Variants in ATG7 observed in about 807,000 individuals in gnomAD.
ATG7 encodes ubiquitin-like modifier-activating enzyme ATG7.
Under a neutral mutation model 82.4 loss-of-function variants are expected in ATG7, and 70 were observed. The ratio of observed to expected loss-of-function variants is 0.85; its 90% CI spans 0.70 to 1.04. The LOEUF (loss-of-function observed/expected upper bound fraction) is 1.04. Among genes scored for constraint, ATG7 ranks in the 50% least tolerant of loss-of-function variants. ATG7 has a pLI of 0.00. For synonymous variants in ATG7, 287 were observed against 313.0 expected (o/e 0.92, Z 0.88); for missense variants, 792 against 864.3 (o/e 0.92, Z 1.05).
At chr3:11,535,709 G>A (rs749069842) in intron 20 of ATG7, among the ~76,000 whole-genome samples, 12 of 152,164 alleles carry the variant, frequency 7.9e-5, no homozygotes, top group Non-Finnish European at 1.2e-4. Flanking sequence ...GTAAAGAAGC[G>A]GGGGCGTGCG....
At chr3:11,441,272 C>G (rs2083925682) in intron 20 of ATG7, among the ~76,000 whole-genome samples, 1 of 152,024 alleles carries the variant, frequency 6.6e-6, no homozygotes, top group Non-Finnish European at 1.5e-5. Context: ...GAGATGGAGT[C>G]TCACTCTGTT....
intron 18 of ATG7, among the ~76,000 whole-genome samples, chr3:11,371,950 A>G (rs2077024553): frequency 6.6e-6 from 1 of 151,362 alleles, no homozygotes; most frequent in African/African-American, 2.4e-5. Flanking sequence ...CACGCTGTCC[A>G]GCTGGGAACA....
intron 20 of ATG7, among the ~76,000 whole-genome samples, chr3:11,473,385 C>T (rs753464971): frequency 8.5e-5 from 13 of 152,154 alleles, no homozygotes; most frequent in Admixed American, 2.0e-4. Flanking sequence ...ATTTATTTTT[C>T]ATAGCATCCC....
intron 7 of ATG7, among the ~76,000 whole-genome samples, chr3:11,310,815 G>T (rs1228340760): frequency 6.6e-6 from 1 of 151,964 alleles, no homozygotes; most frequent in African/African-American, 2.4e-5. Flanking sequence ...TGTATTTTTA[G>T]TAGAGAGGGG....
At chr3:11,489,154 T>G (rs1415943681) in intron 20 of ATG7, among the ~76,000 whole-genome samples, 2 of 152,216 alleles carry the variant, frequency 1.3e-5, no homozygotes, top group African/African-American at 4.8e-5. Flanking sequence ...GTCGAGGAAT[T>G]TATCCATTTC....
intron 20 of ATG7, among the ~76,000 whole-genome samples, chr3:11,493,123 T>C (rs981305790): frequency 2.0e-5 from 3 of 152,206 alleles, no homozygotes; most frequent in Non-Finnish European, 1.5e-5. Context: ...ATTGAAGTTA[T>C]GGTGAATGCA....
chr3:11,456,905 C>T (rs1358090077), intron 20 of ATG7, among the ~76,000 whole-genome samples: 1 of 152,192 alleles, frequency 6.6e-6, no homozygotes, highest in Non-Finnish European at 1.5e-5. Flanking sequence ...TGGTATACAG[C>T]ACCTCTCAGG....
the ATG7 span, among the ~76,000 whole-genome samples, chr3:11,573,325 A>G: frequency 0.17 from 7,168 of 41,704 alleles, 940 homozygotes; most frequent in Admixed American, 0.23. Flanking sequence ...GGAAGAAAGA[A>G]AGAAAGAAAG....
At chr3:11,560,152 C>A (rs924842087), downstream of ATG7, among the ~76,000 whole-genome samples, 2 of 152,168 alleles carry the variant, frequency 1.3e-5, no homozygotes, top group African/African-American at 2.4e-5. Context: ...CACCGCCCCA[C>A]CACCACCGCT....
At position 11,333,039 on chromosome 3, in the gene ATG7, G is replaced by A. The variant is rs375756427; in HGVS notation, c.835G>A (p.Val279Ile). The change falls in exon 11 of 21, where the codon GTT (valine) becomes ATT (isoleucine). Residue 279 changes from valine to isoleucine, a missense_variant. Coordinates refer to ENST00000693202, the MANE Select transcript of ATG7 (RefSeq NM_001349232.2). ...CCGTACCATGCAGGGGGCGAGAGAC[G>A]TTGCCCACAGCATCATCTTCGAAGT... ...RDRTMQGARD[V>I]AHSIIFEVKL... 78 of 1,571,992 alleles carry A rather than the reference G, an allele frequency of 5.0e-5. No individual in the cohort carries two copies. Among genetic ancestry groups the A allele is most frequent in the East Asian group, 4.8e-4 (20 of 41,610 alleles).
At chr3:11,375,495 GACA>G (rs962549212) in intron 18 of ATG7, among the ~76,000 whole-genome samples, 1 of 152,182 alleles carries the variant, frequency 6.6e-6, no homozygotes, top group Non-Finnish European at 1.5e-5. Context: ...ATCTACAAGA[GACA>G]ACAACAGGTG....
At chr3:11,565,438 A>G in the ATG7 span, among the ~76,000 whole-genome samples, 61 of 152,258 alleles carry the variant, frequency 4.0e-4, no homozygotes, top group East Asian at 0.01. This position sits in a 1 kb window ranked among gnomAD's most constrained non-coding sequence, Gnocchi z 4.1. Context: ...GGCCCTATTC[A>G]AAGCCTCCAC....
intron 18 of ATG7, among the ~76,000 whole-genome samples, chr3:11,374,772 C>T (rs534330738): frequency 2.5e-4 from 38 of 151,564 alleles, no homozygotes; most frequent in South Asian, 1.0e-3. Flanking sequence ...GGCGTGGTGG[C>T]GGGTGCCTGT....
At chr3:11,450,414 C>T (rs1179476859) in intron 20 of ATG7, among the ~76,000 whole-genome samples, 1 of 152,182 alleles carries the variant, frequency 6.6e-6, no homozygotes. Flanking sequence ...TTTGGTAGGT[C>T]ATCATTTTCC....
intron 11 of ATG7, among the ~76,000 whole-genome samples, chr3:11,336,198 TA>T (rs1952455607): frequency 2.8e-5 from 1 of 35,590 alleles, no homozygotes; most frequent in African/African-American, 1.9e-4. Context: ...CACACATGGC[TA>T]TTTTTTTTGT....
chr3:11,532,408 A>T (rs2092710621), intron 20 of ATG7, among the ~76,000 whole-genome samples: 1 of 152,098 alleles, frequency 6.6e-6, no homozygotes, highest in Non-Finnish European at 1.5e-5. Flanking sequence ...AGAGAGGGAG[A>T]TGGAATCAGT....
At chr3:11,379,626 A>C (rs906283593) in intron 18 of ATG7, among the ~76,000 whole-genome samples, 1 of 152,228 alleles carries the variant, frequency 6.6e-6, no homozygotes, top group Non-Finnish European at 1.5e-5. Context: ...TTAAGAGTTG[A>C]GTATACCAGT....
At chr3:11,493,732 G>A (rs2090589499) in intron 20 of ATG7, among the ~76,000 whole-genome samples, 1 of 152,184 alleles carries the variant, frequency 6.6e-6, no homozygotes, top group Admixed American at 6.5e-5. Flanking sequence ...AAGTTTCCGT[G>A]ATACAGCCTA....
At chr3:11,526,146 TTTGGGAAG>T (rs1351683230) in intron 20 of ATG7, among the ~76,000 whole-genome samples, 2 of 152,104 alleles carry the variant, frequency 1.3e-5, no homozygotes, top group Non-Finnish European at 2.9e-5. Context: ...ATCCCAGCAC[TTTGGGAAG>T]CTGAGGTGGT....
Sources: allele counts gnomAD v4.1 joint callset (sites outside exome capture counted in the v4.1 genomes callset), GRCh38; gene constraint gnomAD v4.1.1; non-coding constraint Gnocchi (gnomAD v3.1); transcripts MANE v1.5; gene names NCBI Gene and HGNC (gene_info 2026-07-23, HGNC 2026-07-21).